The following APOL4 variants were observed in gnomAD, a reference collection of about 807,000 sequenced individuals.
APOL4 encodes apolipoprotein L, 4.
Under a neutral mutation model 12.1 loss-of-function variants are expected in APOL4, and 14 were observed. The observed-to-expected ratio is 1.16, with a 90% CI of 0.76 to 1.81. The LOEUF is 1.81. APOL4 is among the 40% of genes most tolerant of loss of function. The probability of loss-of-function intolerance (pLI) is 0.00; values close to 1 mark genes in which losing one functional copy is unlikely to be tolerated. For missense variants in APOL4, 432 were observed against 423.1 expected, an observed-to-expected ratio of 1.02 and a Z score of -0.18; for synonymous variants, 171 against 160.6, an observed-to-expected ratio of 1.06 and a Z score of -0.49.
intron 2 of APOL4, among the ~76,000 whole-genome samples, chr22:36,198,823 G>A (rs1257807470): frequency 6.6e-6 from 1 of 152,202 alleles, no homozygotes; most frequent in African/African-American, 2.4e-5. Context: ...GGGAAGCTGG[G>A]TCACTCTACC....
intron 2 of APOL4, among the ~76,000 whole-genome samples, chr22:36,195,746 T>TCC (rs2014385785): frequency 5.2e-5 from 3 of 57,160 alleles, no homozygotes; most frequent in African/African-American, 2.1e-4. Context: ...ACAGATGATC[T>TCC]CTCTCTCTCT....
chr22:36,195,399 G>A lies in APOL4; in HGVS notation c.121C>T (p.Gln41Ter). The A allele has an allele frequency of 6.2e-7, 1 of 1,613,940 alleles. No homozygotes were observed. ...AGATGCACTGGGCTAACTTTCTTCT[G>A]GAAGTATTCAATGACTTCTTCAGTG... ...RFTEEVIEYF[Q>*]KKVSPVHLKI... Residue 41 changes from glutamine (Q) to a stop codon, truncating the protein, a stop_gained, in exon 3 of 4, where the codon CAG (glutamine) becomes TAG (stop). Transcript: ENST00000683024. LOFTEE classifies it high-confidence loss of function.
At position 36,195,333 on chromosome 22, in the gene APOL4, C is replaced by G; in HGVS notation, c.187G>C (p.Val63Leu). The change falls in exon 3 of 4, where the codon GTG (valine) becomes CTG (leucine). Residue 63 changes from valine to leucine, a missense_variant. Coordinates refer to ENST00000683024, the MANE Select transcript of APOL4 (RefSeq NM_001386885.1). ...LTSDEAWKRF[V>L]RVAELPREEA... is the part of the protein sequence containing the mutation. ...TACCTGGGCAATTCAGCCACACGCACAAATCTCTTCCAGGCTTCATCGCTA... is the reference window on the plus strand; with the variant it reads ...TACCTGGGCAATTCAGCCACACGCAGAAATCTCTTCCAGGCTTCATCGCTA... The G allele has an allele frequency of 6.2e-7, 1 of 1,614,032 alleles. No homozygotes were observed. The highest frequency in any genetic ancestry group is 8.5e-7 in the Non-Finnish European group (1 of 1,179,920).
At chr22:36,193,642 G>A (rs2014325413) in intron 3 of APOL4, among the ~76,000 whole-genome samples, 1 of 152,204 alleles carries the variant, frequency 6.6e-6, no homozygotes, top group Non-Finnish European at 1.5e-5. Flanking sequence ...GGTGTCAGAA[G>A]TAAGGGTGCA....
At chr22:36,198,292 C>G (rs1034598423) in intron 2 of APOL4, among the ~76,000 whole-genome samples, 2 of 152,220 alleles carry the variant, frequency 1.3e-5, no homozygotes, top group Non-Finnish European at 2.9e-5. Flanking sequence ...CAGGAATTTT[C>G]CAACAAGGTA....
chr22:36,203,771 C>T (rs1049223160), upstream of APOL4, among the ~76,000 whole-genome samples: 15 of 152,232 alleles, frequency 9.9e-5, no homozygotes, highest in African/African-American at 3.4e-4. Flanking sequence ...CATAGGCTCT[C>T]TGCAGGGGGA....
rs1276848611 is a variant in APOL4, at chr22:36,193,025, C to T, written c.210-1113G>A. Among the ~76,000 whole-genome samples, 5 of 152,224 alleles carry T rather than the reference C, an allele frequency of 3.3e-5. No individual in the cohort carries two copies. In the East Asian group the frequency reaches 9.6e-4, roughly 29 times the overall value. On this transcript the variant is annotated intron_variant, in intron 3 of 3. Coordinates refer to ENST00000683024, the MANE Select transcript of APOL4 (RefSeq NM_001386885.1). ...TCCCGTGCTTGCTGGGCCTGCACCG[C>T]CCCAGCTCAGCAAGAATCCCCCAAA...
intron 2 of APOL4, chr22:36,197,829 AC>A: frequency 6.5e-7 from 1 of 1,546,146 alleles, no homozygotes; most frequent in South Asian, 1.2e-5. Flanking sequence ...GGCCCAGAGG[AC>A]CCTGACAAAC....
In APOL4 at chr22:36,195,293, T is replaced by C; in HGVS notation, c.209+18A>G. ...GCATCACCGGGGTGCCCCAAGGAGG[T>C]AACCCCATGGAGGTTACCTGGGCAA... On this transcript the variant is annotated intron_variant, in intron 3 of 3. Transcript: ENST00000683024. 5.6e-6 allele frequency: 9 copies of C among 1,610,548 alleles called. No homozygotes were observed. The highest frequency in any genetic ancestry group is 7.6e-6 in the Non-Finnish European group (9 of 1,178,254).
intron 2 of APOL4, among the ~76,000 whole-genome samples, chr22:36,198,526 A>C (rs1158453257): frequency 6.6e-6 from 1 of 152,168 alleles, no homozygotes; most frequent in Non-Finnish European, 1.5e-5. Context: ...GACTCAGCCC[A>C]GATAAAGAGG....
intron 2 of APOL4, chr22:36,197,669 G>A: frequency 1.9e-6 from 3 of 1,550,074 alleles, no homozygotes; most frequent in South Asian, 1.2e-5. Context: ...CTTAACCTCG[G>A]CCAGTCATGA....
upstream of APOL4, among the ~76,000 whole-genome samples, chr22:36,202,430 T>C (rs548961240): frequency 3.3e-5 from 5 of 152,236 alleles, no homozygotes; most frequent in South Asian, 1.0e-3. Context: ...CATCTCTTTT[T>C]GGTGAAGAAA....
upstream of APOL4, chr22:36,204,603 G>A (rs1569531635): frequency 4.6e-6 from 2 of 438,172 alleles, no homozygotes; most frequent in Admixed American, 3.9e-5. Flanking sequence ...GGAGATGGAG[G>A]GAGGTCACAC....
chr22:36,193,257 C>T (rs1287759589), intron 3 of APOL4, among the ~76,000 whole-genome samples: 2 of 152,164 alleles, frequency 1.3e-5, no homozygotes, highest in Non-Finnish European at 2.9e-5. Flanking sequence ...GGCTGTGACT[C>T]CCCCTCTGAC....
chr22:36,195,005 C>A, intron 3 of APOL4: 2 of 238,054 alleles, frequency 8.4e-6, no homozygotes, highest in South Asian at 2.1e-4. Flanking sequence ...TTATTTTTCT[C>A]ACAATAAAGC....
At chr22:36,201,314 C>T (rs1194195207) in intron 1 of APOL4, among the ~76,000 whole-genome samples, 1 of 149,900 alleles carries the variant, frequency 6.7e-6, no homozygotes, top group Non-Finnish European at 1.5e-5. Context: ...TTCCCGGGCC[C>T]CCTGATGGGG....
At chr22:36,197,508 C>T in intron 2 of APOL4, 1 of 1,323,806 alleles carries the variant, frequency 7.6e-7, no homozygotes. Context: ...AATATTAAAG[C>T]AAAATTAAAA....
At chr22:36,199,411 G>T (rs2014504377) in intron 1 of APOL4, 35 bp from the exon 2 acceptor site, 3 of 1,614,016 alleles carry the variant, frequency 1.9e-6, no homozygotes, top group Middle Eastern at 1.6e-4. Flanking sequence ...GGGATTGAAT[G>T]TGAGCCACCT....
intron 3 of APOL4, among the ~76,000 whole-genome samples, chr22:36,192,341 A>G (rs2014283621): frequency 6.6e-6 from 1 of 152,108 alleles, no homozygotes; most frequent in African/African-American, 2.4e-5. Context: ...CTCCATCTCA[A>G]AAAAAAATAA....
Sources: gnomAD v4.1 joint callset for allele counts (sites outside exome capture counted in the v4.1 genomes callset) on GRCh38, gnomAD v4.1.1 for gene constraint, MANE v1.5 for transcripts, NCBI Gene and HGNC (gene_info 2026-07-23, HGNC 2026-07-21) for gene names.